Variants in PPARGC1B observed in about 807,000 individuals in gnomAD.
PPARGC1B encodes PPARG coactivator 1 beta, also known as peroxisome proliferator-activated receptor gamma coactivator 1-beta.
PPARGC1B carries 34 observed loss-of-function variants against 101.6 expected under a neutral mutation model. The ratio of observed to expected loss-of-function variants is 0.33; its 90% CI spans 0.25 to 0.45. The LOEUF (loss-of-function observed/expected upper bound fraction) is 0.45, where lower values mean the gene tolerates loss of function less well. PPARGC1B is among the 20% of genes least tolerant of loss of function. The pLI, the probability that PPARGC1B is intolerant of heterozygous loss-of-function variation, is 1.00. For missense variants in PPARGC1B, 1,234 were observed against 1,317.6 expected, an observed-to-expected ratio of 0.94 and a Z score of 0.98; for synonymous variants, 548 against 539.3, an observed-to-expected ratio of 1.02 and a Z score of -0.22.
chr5:149,738,700 G>A (rs1054620171), intron 1 of PPARGC1B, among the ~76,000 whole-genome samples: 5 of 151,952 alleles, frequency 3.3e-5, no homozygotes, highest in South Asian at 2.1e-4. Context: ...GGGTTCAAGC[G>A]ATTCTTCTGC....
chr5:149,841,730 AC>A (rs1169237934), intron 9 of PPARGC1B, among the ~76,000 whole-genome samples: 5 of 152,102 alleles, frequency 3.3e-5, no homozygotes, highest in African/African-American at 1.2e-4. Flanking sequence ...TGTTCTGGGC[AC>A]CCACTGGCAT....
chr5:149,755,044 TAC>T (rs1561854123), intron 1 of PPARGC1B, among the ~76,000 whole-genome samples: 2 of 86,992 alleles, frequency 2.3e-5, no homozygotes, highest in Admixed American at 1.3e-4. Context: ...CATATACATA[TAC>T]ATATACATAT....
intron 1 of PPARGC1B, among the ~76,000 whole-genome samples, chr5:149,748,481 C>T (rs1435955592): frequency 6.6e-6 from 1 of 152,112 alleles, no homozygotes; most frequent in Non-Finnish European, 1.5e-5. Context: ...GGAAGCCGTG[C>T]AGCAGTCACT....
At position 149,809,059 on chromosome 5, in the gene PPARGC1B, T is replaced by C. The variant is rs375447340; in HGVS notation, c.79-11374T>C. 2.6e-5 allele frequency among the ~76,000 whole-genome samples: 4 copies of C among 152,038 alleles called. No homozygotes were observed. In the South Asian group the frequency reaches 8.3e-4, roughly 32 times the overall value. ...GGGAGACCAAGGCAGGAGGACTGCT[T>C]GAGCCCAGGAGTTTGAGACCGGCCT... On this transcript the variant is annotated intron_variant, in intron 1 of 11. Coordinates refer to ENST00000309241, the MANE Select transcript of PPARGC1B (RefSeq NM_133263.4).
At chr5:149,813,320 A>G (rs1009887740) in intron 1 of PPARGC1B, among the ~76,000 whole-genome samples, 5 of 152,196 alleles carry the variant, frequency 3.3e-5, no homozygotes, top group Non-Finnish European at 5.9e-5. Flanking sequence ...GTCGGGCAGG[A>G]CTTAGGATAT....
At chr5:149,840,215 C>A in intron 9 of PPARGC1B, 99 bp downstream of exon 9, 1 of 1,131,568 alleles carries the variant, frequency 8.8e-7, no homozygotes, top group South Asian at 1.5e-5. Flanking sequence ...GGCTGGTGAG[C>A]CCCTCAGTCT....
At position 149,744,962 on chromosome 5, in the gene PPARGC1B, G is replaced by A. The variant is rs149442983; in HGVS notation, c.78+14542G>A. 5.6e-3 allele frequency among the ~76,000 whole-genome samples: 841 copies of A among 149,224 alleles called. 4 individuals carry two copies. Among genetic ancestry groups the A allele is most frequent in the African/African-American group, 7.1e-3 (286 of 40,338 alleles). ...CTTGCTCTGTTGCCCAAGCTGGTGC[G>A]ATCAAGGAGGCTCACTGCAGTCTCG... On this transcript the variant is annotated intron_variant, in intron 1 of 11. Coordinates refer to ENST00000309241, the MANE Select transcript of PPARGC1B (RefSeq NM_133263.4).
chr5:149,806,507 G>A (rs760557889), intron 1 of PPARGC1B, among the ~76,000 whole-genome samples: 1 of 152,154 alleles, frequency 6.6e-6, no homozygotes, highest in Non-Finnish European at 1.5e-5. Context: ...GCCAGGGCAG[G>A]AGATGCGGAA....
chr5:149,833,593 C>T lies in PPARGC1B; in HGVS notation c.1520C>T (p.Pro507Leu), dbSNP rs202118580. ...CCCTCGGAGCCCCAAGGTGCTCTGC[C>T]CTCACTGTGCCTGGCTCCCAAGGCC... ...LVPSEPQGAL[P>L]SLCLAPKAYD... is the part of the protein sequence containing the mutation. Residue 507 changes from proline to leucine, a missense_variant, in exon 5 of 12, where the codon CCC becomes CTC. By Grantham distance (98) the Pro-to-Leu change is moderately conservative (BLOSUM62 -3). Coordinates refer to ENST00000309241, the MANE Select transcript of PPARGC1B (RefSeq NM_133263.4). The surrounding 1 kb of genome is among the most constrained non-coding windows in gnomAD (Gnocchi z 4.1). 2.2e-5 allele frequency: 35 copies of T among 1,605,200 alleles called. No homozygotes were observed. In the East Asian group the frequency reaches 7.4e-4, roughly 34 times the overall value.
At chr5:149,745,401 C>T (rs1755050753) in intron 1 of PPARGC1B, among the ~76,000 whole-genome samples, 1 of 152,322 alleles carries the variant, frequency 6.6e-6, no homozygotes, top group Non-Finnish European at 1.5e-5. Flanking sequence ...GGGGCTGTCC[C>T]AGACCTATAG....
chr5:149,753,165 ATAG>A (rs1755379217), intron 1 of PPARGC1B, among the ~76,000 whole-genome samples: 1 of 152,200 alleles, frequency 6.6e-6, no homozygotes, highest in Admixed American at 6.5e-5. Flanking sequence ...TGGATTGATC[ATAG>A]TTTGTTTAAC....
chr5:149,742,562 G>A (rs1417802386), intron 1 of PPARGC1B, among the ~76,000 whole-genome samples: 1 of 152,182 alleles, frequency 6.6e-6, no homozygotes, highest in Non-Finnish European at 1.5e-5. Context: ...AGTTGGCAAA[G>A]AGTTTTATTA....
rs190664480 is a variant in PPARGC1B, at chr5:149,826,967, C to T, written c.465+82C>T. ...TCAGGGCATGGGGTGCAGAGCAATC[C>T]GCTCCAGCCCCGCAGGGGACTCCGT... On this transcript the variant is annotated intron_variant, in intron 3 of 11. Coordinates refer to ENST00000309241, the MANE Select transcript of PPARGC1B (RefSeq NM_133263.4). 1.2e-4 allele frequency: 130 copies of T among 1,075,478 alleles called. 1 individual carries two copies. The East Asian group carries it at 1.5e-3, about 13-fold the overall frequency. 66.6% of individuals were successfully genotyped at this position (1,075,478 alleles called of 1,614,324 possible). A position where few individuals can be genotyped will look rare whatever the true frequency, so the allele number is the denominator to read the frequency against.
chr5:149,753,629 C>T (rs1307036316), intron 1 of PPARGC1B, among the ~76,000 whole-genome samples: 4 of 152,104 alleles, frequency 2.6e-5, no homozygotes, highest in Non-Finnish European at 4.4e-5. Flanking sequence ...CACATGTGAC[C>T]GTATGCATAG....
chr5:149,844,218 T>C (rs576090245), intron 10 of PPARGC1B, among the ~76,000 whole-genome samples: 49 of 152,324 alleles, frequency 3.2e-4, no homozygotes, highest in African/African-American at 1.1e-3. Context: ...GTTTTCAAGC[T>C]ATCAAATGAA....
rs1410455476 is a variant in PPARGC1B at position 149,820,291 on chromosome 5, C to T, written c.79-142C>T. The T allele has an allele frequency of 8.0e-6, 6 of 751,166 alleles. No individual in the cohort carries two copies. In the East Asian group the frequency reaches 1.5e-4, roughly 19 times the overall value. 46.5% of individuals were successfully genotyped at this position (751,166 alleles called of 1,614,324 possible). A position where few individuals can be genotyped will look rare whatever the true frequency, so the allele number is the denominator to read the frequency against. ...CAGAAGATTCAACCAAGGGGTGAAGCTGATCTTTCCATTTCTTGGTCATTT... is the reference window on the plus strand; with the variant it reads ...CAGAAGATTCAACCAAGGGGTGAAGTTGATCTTTCCATTTCTTGGTCATTT... On this transcript the variant is annotated intron_variant, in intron 1 of 11. Coordinates refer to ENST00000309241, the MANE Select transcript of PPARGC1B (RefSeq NM_133263.4).
chr5:149,816,047 G>A (rs1476587138), intron 1 of PPARGC1B, among the ~76,000 whole-genome samples: 1 of 151,898 alleles, frequency 6.6e-6, no homozygotes, highest in Admixed American at 6.5e-5. Context: ...AAGCCTCCCG[G>A]GACAGGACAA....
chr5:149,823,460 A>G (rs113679207), intron 2 of PPARGC1B, among the ~76,000 whole-genome samples: 92 of 152,280 alleles, frequency 6.0e-4, no homozygotes, highest in African/African-American at 2.1e-3. Flanking sequence ...TAGGTCCTCA[A>G]AATGAAGCCT....
intron 11 of PPARGC1B, 121 bp from the exon 12 acceptor site, chr5:149,847,337 A>T: frequency 1.2e-6 from 1 of 810,062 alleles, no homozygotes; most frequent in Non-Finnish European, 2.2e-6. Context: ...CAGCTCCCCA[A>T]GGCCTTGGGC....
Sources: gnomAD v4.1 joint callset for allele counts (sites outside exome capture counted in the v4.1 genomes callset) on GRCh38, gnomAD v4.1.1 for gene constraint, Gnocchi (gnomAD v3.1) non-coding constraint, MANE v1.5 for transcripts, NCBI Gene and HGNC (gene_info 2026-07-23, HGNC 2026-07-21) for gene names.